The following IQGAP2 variants were observed in gnomAD, a reference collection of about 807,000 sequenced individuals.
The protein encoded by IQGAP2 is ras GTPase-activating-like protein IQGAP2.
IQGAP2 carries 173 observed loss-of-function variants against 201.3 expected under a neutral mutation model. That is an observed-to-expected ratio of 0.86 (90% CI 0.76 to 0.98). The LOEUF (loss-of-function observed/expected upper bound fraction) is 0.98, where lower values mean the gene tolerates loss of function less well. IQGAP2 is among the 50% of genes least tolerant of loss of function. The probability of loss-of-function intolerance (pLI) is 0.00; values close to 1 mark genes in which losing one functional copy is unlikely to be tolerated. For synonymous variants in IQGAP2, 675 were observed against 673.9 expected, an observed-to-expected ratio of 1.00 and a Z score of -0.03; for missense variants, 1,687 against 1,864.8, an observed-to-expected ratio of 0.90 and a Z score of 1.76.
At chr5:76,574,650 C>T (rs914563225) in intron 4 of IQGAP2, among the ~76,000 whole-genome samples, 7 of 152,226 alleles carry the variant, frequency 4.6e-5, no homozygotes, top group Non-Finnish European at 8.8e-5. Context: ...CCTCCCGTGA[C>T]ACACATTTAC....
At chr5:76,508,848 G>A (rs185892063) in intron 2 of IQGAP2, among the ~76,000 whole-genome samples, 196 of 152,092 alleles carry the variant, frequency 1.3e-3, no homozygotes, top group African/African-American at 4.5e-3. Flanking sequence ...AAAACCATGC[G>A]GTCCCTTTTT....
rs577861674 is a variant in IQGAP2 at position 76,473,177 on chromosome 5, T to G, written c.146+11508T>G. On this transcript the variant is annotated intron_variant, in intron 2 of 35. Coordinates refer to ENST00000274364, the MANE Select transcript of IQGAP2 (RefSeq NM_006633.5). Reference sequence around the variant, plus strand: ...TTTATTTCTTAATGTGTTTTGATCATGTCTTCCTTGTAAGTCCAAAACATG... The same window carrying G: ...TTTATTTCTTAATGTGTTTTGATCAGGTCTTCCTTGTAAGTCCAAAACATG... 5.3e-5 allele frequency among the ~76,000 whole-genome samples: 8 copies of G among 152,348 alleles called. No homozygotes were observed. The South Asian group carries it at 1.4e-3, about 28-fold the overall frequency.
At position 76,500,352 on chromosome 5, in the gene IQGAP2, G is replaced by T. The variant is rs564462034; in HGVS notation, c.146+38683G>T. ...TCCCATAGCTAGACTGTGTGGCTAAGCATAGCATTGCTATAACTTAAAATT... is the reference window on the plus strand; with the variant it reads ...TCCCATAGCTAGACTGTGTGGCTAATCATAGCATTGCTATAACTTAAAATT... On this transcript the variant is annotated intron_variant, in intron 2 of 35. Transcript: ENST00000274364. Among the ~76,000 whole-genome samples, 17 of 152,292 alleles carry T rather than the reference G, an allele frequency of 1.1e-4. No individual in the cohort carries two copies. The East Asian group carries it at 3.3e-3, about 29-fold the overall frequency.
In IQGAP2 at chr5:76,606,308, G is replaced by C. The variant is rs771630364; in HGVS notation, c.1357+5G>C. On this transcript the variant is annotated splice_donor_5th_base_variant and intron_variant, in intron 12 of 35. Transcript: ENST00000274364. The stretch of plus-strand genomic sequence containing the variant: ...AAATTCAAGAAGAAAATGACCGTAA[G>C]TATAAGACACTTTCCTTCTCTAGCA... 1.4e-5 allele frequency: 22 copies of C among 1,588,000 alleles called. No individual in the cohort carries two copies. The highest frequency in any genetic ancestry group is 7.1e-5 in the Admixed American group (4 of 56,526).
intron 2 of IQGAP2, among the ~76,000 whole-genome samples, chr5:76,529,312 A>G (rs1379605155): frequency 6.6e-6 from 1 of 152,204 alleles, no homozygotes; most frequent in Non-Finnish European, 1.5e-5. Flanking sequence ...GATATCCAGA[A>G]GCATATGTCT....
At chr5:76,437,648 T>C (rs1752781894) in intron 1 of IQGAP2, among the ~76,000 whole-genome samples, 1 of 152,170 alleles carries the variant, frequency 6.6e-6, no homozygotes, top group African/African-American at 2.4e-5. Flanking sequence ...GTTCCTGTGT[T>C]AGTTTGCTGA....
intron 2 of IQGAP2, among the ~76,000 whole-genome samples, chr5:76,509,057 G>GTGTA (rs1253636559): frequency 7.0e-6 from 1 of 141,858 alleles, no homozygotes; most frequent in Non-Finnish European, 1.6e-5. Context: ...GTGTGTGTGT[G>GTGTA]TATGTATGTA....
chr5:76,622,152 CTTTG>C (rs1191557874), intron 13 of IQGAP2, among the ~76,000 whole-genome samples: 2 of 152,098 alleles, frequency 1.3e-5, no homozygotes, highest in Non-Finnish European at 2.9e-5. Context: ...TTCACTGCCT[CTTTG>C]TTTCCTTCAG....
chr5:76,643,730 G>A (rs456114), intron 17 of IQGAP2, among the ~76,000 whole-genome samples: 93,948 of 151,874 alleles, frequency 0.62, 29,208 homozygotes, highest in South Asian at 0.78. Flanking sequence ...TTAGCCCTGA[G>A]AATTAATGAA....
At position 76,625,247 on chromosome 5, in the gene IQGAP2, T is replaced by G. The variant is rs115126741; in HGVS notation, c.1522-2163T>G. On this transcript the variant is annotated intron_variant, in intron 13 of 35. Transcript: ENST00000274364. ...AATACTTTAAGCTTTGAAGTAAGAT[T>G]GTTACTGCCTTCTCATCTGGGTAGA... Among the ~76,000 whole-genome samples, 1,480 of 152,326 alleles carry G rather than the reference T, an allele frequency of 9.7e-3. 25 individuals carry two copies. Among genetic ancestry groups the G allele is most frequent in the African/African-American group, 0.034 (1,411 of 41,548 alleles).
chr5:76,707,049 G>C (rs1414989044), intron 35 of IQGAP2, 151 bp from the exon 36 acceptor site: 2 of 594,706 alleles, frequency 3.4e-6, no homozygotes. Flanking sequence ...CTTAAGCCAG[G>C]AGTTTGAGAC....
At chr5:76,501,458 T>G (rs941428301) in intron 2 of IQGAP2, among the ~76,000 whole-genome samples, 1 of 151,998 alleles carries the variant, frequency 6.6e-6, no homozygotes, top group Non-Finnish European at 1.5e-5. Flanking sequence ...AAATAACTTT[T>G]TGAGAATCGG....
intron 28 of IQGAP2, chr5:76,677,584 TA>T: frequency 3.1e-6 from 1 of 327,480 alleles, no homozygotes; most frequent in Non-Finnish European, 5.5e-6. Flanking sequence ...TAGACATTAA[TA>T]AAACTTCTCC....
chr5:76,704,506 T>C (rs1040211203), intron 35 of IQGAP2, among the ~76,000 whole-genome samples: 6 of 152,244 alleles, frequency 3.9e-5, no homozygotes, highest in Non-Finnish European at 8.8e-5. Context: ...ACATAATGGA[T>C]TGTGAAATGT....
chr5:76,612,000 G>C (rs1026292784), intron 13 of IQGAP2, among the ~76,000 whole-genome samples: 2 of 152,154 alleles, frequency 1.3e-5, no homozygotes, highest in Non-Finnish European at 2.9e-5. Context: ...ATTCGAAACA[G>C]GAAAAACATC....
chr5:76,524,473 T>C (rs764530627), intron 2 of IQGAP2, among the ~76,000 whole-genome samples: 3 of 152,184 alleles, frequency 2.0e-5, no homozygotes, highest in African/African-American at 4.8e-5. Flanking sequence ...TCCAGTGATA[T>C]ATAAGCAAAA....
At position 76,695,575 on chromosome 5, in the gene IQGAP2, G is replaced by A; in HGVS notation, c.4115G>A (p.Arg1372Lys). Residue 1372 changes from arginine (R) to lysine (K), a missense_variant, in exon 32 of 36, where the codon AGG (arginine) becomes AAG (lysine). Coordinates refer to ENST00000274364, the MANE Select transcript of IQGAP2 (RefSeq NM_006633.5). ...DAQLPLEQKKRKIQRNLRTLE... is the reference protein window; with the variant it reads ...DAQLPLEQKKKKIQRNLRTLE... ...CAGCTGCCTCTTGAGCAGAAGAAGA[G>A]GAAAATCCAGAGGAATCTTCGGACG... The A allele has an allele frequency of 6.2e-7, 1 of 1,614,150 alleles. No individual in the cohort carries two copies. Among genetic ancestry groups the A allele is most frequent in the South Asian group, 1.1e-5 (1 of 91,082 alleles).
chr5:76,685,156 C>T (rs939507039), intron 30 of IQGAP2, among the ~76,000 whole-genome samples: 1 of 152,110 alleles, frequency 6.6e-6, no homozygotes, highest in Non-Finnish European at 1.5e-5. Context: ...GAGGGCGGTT[C>T]TTTTTGACTA....
At chr5:76,516,719 T>C (rs1318064303) in intron 2 of IQGAP2, among the ~76,000 whole-genome samples, 1 of 152,230 alleles carries the variant, frequency 6.6e-6, no homozygotes, top group African/African-American at 2.4e-5. Flanking sequence ...GCCACAGATG[T>C]TAACTGACGG....
Sources: allele counts gnomAD v4.1 joint callset (sites outside exome capture counted in the v4.1 genomes callset), GRCh38; gene constraint gnomAD v4.1.1; transcripts MANE v1.5; gene names NCBI Gene and HGNC (gene_info 2026-07-23, HGNC 2026-07-21).